The following MED24 variants were observed in gnomAD, a reference collection of about 807,000 sequenced individuals.
MED24 encodes mediator complex subunit 24, also known as mediator of RNA polymerase II transcription subunit 24.
MED24 carries 74 observed loss-of-function variants against 118.8 expected under a neutral mutation model. That is an observed-to-expected ratio of 0.62 (90% CI 0.52 to 0.76). The LOEUF is 0.76. Among genes scored for constraint, MED24 ranks in the 30% least tolerant of loss-of-function variants. The pLI is 0.00. For synonymous variants in MED24, 521 were observed against 523.9 expected (o/e 0.99, Z 0.08); for missense variants, 1,041 against 1,278.9 (o/e 0.81, Z 2.84).
At chr17:40,032,837 G>T in intron 8 of MED24, 75 bp from the exon 9 acceptor site, 2 of 1,443,562 alleles carry the variant, frequency 1.4e-6, no homozygotes, top group Non-Finnish European at 1.9e-6. Flanking sequence ...CTGAGGATTT[G>T]GCTGGGTCAG....
intron 3 of MED24, among the ~76,000 whole-genome samples, chr17:40,047,615 T>C (rs1302323783): frequency 6.7e-6 from 1 of 149,732 alleles, no homozygotes; most frequent in African/African-American, 2.5e-5. Context: ...TGAGCTGAGA[T>C]TGCCCTACTG....
intron 23 of MED24, among the ~76,000 whole-genome samples, chr17:40,021,572 G>A (rs1328061585): frequency 6.6e-6 from 1 of 152,268 alleles, no homozygotes; most frequent in African/African-American, 2.4e-5. Flanking sequence ...CTCCGGGCAT[G>A]TTTTGGGGGA....
Position 40,023,129 on chromosome 17 carries a change from A to C in MED24, c.2250+2T>G. 1 of 1,612,710 alleles carries C rather than the reference A, an allele frequency of 6.2e-7. No individual in the cohort carries two copies. Among genetic ancestry groups the C allele is most frequent in the Non-Finnish European group, 8.5e-7 (1 of 1,179,112 alleles). On this transcript the variant is annotated splice_donor_variant, in intron 20 of 25. Transcript: ENST00000394128. LOFTEE classifies it high-confidence loss of function. ...GGCCCACAGCCACTCCAGCCCAAGT[A>C]CCTTAATCAGGTTGTTGCAGAACCA...
chr17:40,027,343 C>T, intron 16 of MED24, 40 bp downstream of exon 16: 1 of 1,588,902 alleles, frequency 6.3e-7, no homozygotes, highest in Non-Finnish European at 8.6e-7. Context: ...GGGTTACCTC[C>T]TTCCCTTGAG....
intron 11 of MED24, 48 bp from the exon 12 acceptor site, chr17:40,031,293 G>A (rs199765150): frequency 2.3e-5 from 35 of 1,512,984 alleles, no homozygotes; most frequent in East Asian, 4.9e-5. Flanking sequence ...GGATAGGATG[G>A]TGAGGGGTGG....
intron 3 of MED24, among the ~76,000 whole-genome samples, chr17:40,050,264 C>CACAGTA (rs1005739331): frequency 6.6e-6 from 1 of 151,312 alleles, no homozygotes; most frequent in Admixed American, 6.6e-5. Flanking sequence ...GCCTGGCCAA[C>CACAGTA]ACAGTAAAAC....
chr17:40,021,866 T>C, intron 23 of MED24, 89 bp downstream of exon 23: 1 of 965,974 alleles, frequency 1.0e-6, no homozygotes, highest in South Asian at 1.6e-5. Flanking sequence ...GCTGCAAAGA[T>C]GCCTGCAGCT....
chr17:40,045,571 G>A (rs1390183104), intron 3 of MED24, among the ~76,000 whole-genome samples: 1 of 152,180 alleles, frequency 6.6e-6, no homozygotes, highest in Non-Finnish European at 1.5e-5. Flanking sequence ...GGTAGATTGA[G>A]CTCAAGAGTT....
Position 40,027,368 on chromosome 17 carries a change from G to A in MED24, c.1530+15C>T. 1.2e-6 allele frequency: 2 copies of A among 1,609,734 alleles called. No homozygotes were observed. The highest frequency in any genetic ancestry group is 1.1e-5 in the South Asian group (1 of 90,406). Reference sequence around the variant, plus strand: ...CTTCCCTTGAGCCCCCGTCCCGGTCGCTCCCCTCTCTCACCTCTGAACCAT... The same window carrying A: ...CTTCCCTTGAGCCCCCGTCCCGGTCACTCCCCTCTCTCACCTCTGAACCAT... On this transcript the variant is annotated intron_variant, in intron 16 of 25. Transcript: ENST00000394128.
At position 40,022,677 on chromosome 17, in the gene MED24, G is replaced by A; in HGVS notation, c.2400C>T (p.Ser800=). 1 of 1,613,748 alleles carries A rather than the reference G, an allele frequency of 6.2e-7. No individual in the cohort carries two copies. Among genetic ancestry groups the A allele is most frequent in the Admixed American group, 1.7e-5 (1 of 60,008 alleles). The change falls in exon 21 of 26, where the codon AGC becomes AGT. Residue 800 remains serine (S), a synonymous_variant. Transcript: ENST00000394128. ...GAGCAGTGCCCGGGGGGTCCATGAG[G>A]CTGTGCCACTTGGAGGAGTCAGTGA... The part of the protein sequence containing the change: ...GLLTDSSKWH[S]LMDPPGTALA...
In MED24 at chr17:40,028,906, C is replaced by G. The variant is rs1039390930; in HGVS notation, c.1329G>C (p.Leu443=). The G allele has an allele frequency of 1.2e-6, 2 of 1,614,210 alleles. No homozygotes were observed. Among genetic ancestry groups the G allele is most frequent in the Non-Finnish European group, 1.7e-6 (2 of 1,180,036 alleles). Residue 443 remains leucine (L), a synonymous_variant, in exon 14 of 26, where the codon CTG becomes CTC. Coordinates refer to ENST00000394128, the MANE Select transcript of MED24 (RefSeq NM_014815.4). The stretch of plus-strand genomic sequence containing the variant: ...GCAGCAAGTCCAGACTCTTCCCGGA[C>G]AGCATGTGGCCCAGGACTCCCAGCA... ...EGLLGVLGHM[L]SGKSLDLLLA...
At position 40,019,439 on chromosome 17, in the gene MED24, G is replaced by A. The variant is rs879593564; in HGVS notation, c.*90C>T. On this transcript the variant is annotated 3_prime_UTR_variant, in exon 26 of 26. Transcript: ENST00000394128. ...TTGCACCATGTGGAGCGGATGTGAG[G>A]CACGATGCCTCATCTTTCCTCACTG... is the stretch of plus-strand genomic sequence containing the variant. 1.1e-5 allele frequency: 12 copies of A among 1,082,438 alleles called. No homozygotes were observed. The highest frequency in any genetic ancestry group is 4.8e-5 in the East Asian group (2 of 42,054). 67.1% of individuals were successfully genotyped at this position (1,082,438 alleles called of 1,614,324 possible).
intron 19 of MED24, 197 bp from the exon 20 acceptor site, chr17:40,023,592 C>T (rs1982301500): frequency 1.8e-6 from 1 of 558,414 alleles, no homozygotes; most frequent in Non-Finnish European, 3.1e-6. Context: ...GGTCTCTCAC[C>T]TGCAGGACAC....
chr17:40,022,869 G>C, intron 20 of MED24, 43 bp from the exon 21 acceptor site: 6 of 1,598,710 alleles, frequency 3.8e-6, no homozygotes, highest in Non-Finnish European at 5.1e-6. Flanking sequence ...CAGGGGCCCG[G>C]GATCTGGGGC....
At chr17:40,024,143 G>A (rs1192245130) in intron 19 of MED24, among the ~76,000 whole-genome samples, 11 of 152,042 alleles carry the variant, frequency 7.2e-5, no homozygotes, top group African/African-American at 2.4e-4. Context: ...AGAAATGAGA[G>A]AAGAAAGGAA....
intron 24 of MED24, 153 bp from the exon 25 acceptor site, chr17:40,020,086 T>G: frequency 9.6e-7 from 1 of 1,038,980 alleles, no homozygotes; most frequent in Non-Finnish European, 1.4e-6. Context: ...TAAAAGGCAA[T>G]TGGGGAGGGG....
At chr17:40,028,122 T>G (rs1354831672) in intron 14 of MED24, 176 bp from the exon 15 acceptor site, 2 of 648,800 alleles carry the variant, frequency 3.1e-6, no homozygotes, top group Non-Finnish European at 5.2e-6. Flanking sequence ...TTGTTTTTTT[T>G]TTGTTTTTTT....
intron 3 of MED24, among the ~76,000 whole-genome samples, chr17:40,038,386 T>C (rs1235951164): frequency 6.6e-6 from 1 of 152,134 alleles, no homozygotes; most frequent in Admixed American, 6.6e-5. Context: ...CAGCTGTCTC[T>C]GCTGGAGGAG....
intron 3 of MED24, among the ~76,000 whole-genome samples, chr17:40,052,649 T>C (rs948574165): frequency 2.6e-5 from 4 of 152,314 alleles, no homozygotes; most frequent in Admixed American, 6.5e-5. Flanking sequence ...TTGCCCAGGC[T>C]GGAGTGCAGT....
Sources: allele counts gnomAD v4.1 joint callset (sites outside exome capture counted in the v4.1 genomes callset), GRCh38; gene constraint gnomAD v4.1.1; transcripts MANE v1.5; gene names NCBI Gene and HGNC (gene_info 2026-07-23, HGNC 2026-07-21).